SYN1: variants seen among roughly 807,000 people sequenced by gnomAD.
SYN1 encodes the protein synapsin-1.
Under a neutral mutation model 44.6 loss-of-function variants are expected in SYN1, and 8 were observed. The observed-to-expected ratio is 0.18, with a 90% confidence interval of 0.11 to 0.32. The LOEUF (loss-of-function observed/expected upper bound fraction) is 0.32. Among genes scored for constraint, SYN1 ranks in the 10% least tolerant of loss-of-function variants. The pLI, the probability that SYN1 is intolerant of heterozygous loss-of-function variation, is 1.00. For missense variants in SYN1, 451 were observed against 639.4 expected (o/e 0.71, Z 3.18); for synonymous variants, 275 against 280.1 (o/e 0.98, Z 0.18).
chrX:47,584,876 G>A (rs1603058144), intron 5 of SYN1: 3 of 984,697 alleles, frequency 3.0e-6, no homozygotes, highest in Non-Finnish European at 2.9e-6. Context: ...TGATGATGAT[G>A]ATCTTATTTT....
chrX:47,603,915 T>A (rs1221170415), intron 5 of SYN1, among the ~76,000 whole-genome samples: 51 of 103,093 alleles, frequency 4.9e-4, no homozygotes, highest in African/African-American at 1.7e-3. Flanking sequence ...TATTTTTTTT[T>A]TTTTTTTTTG....
At chrX:47,583,547 A>T (rs762984429) in intron 5 of SYN1, 4 of 1,181,556 alleles carry the variant, frequency 3.4e-6, no homozygotes, top group Middle Eastern at 4.7e-4. Flanking sequence ...GTGAGTCCTC[A>T]CCCCACTCAG....
Position 47,574,530 on chromosome X carries a change from G to T in SYN1, c.1454C>A (p.Pro485Gln). The change falls in exon 12 of 13, where the codon CCG becomes CAG. Residue 485 changes from proline (P) to glutamine (Q), a missense_variant. Transcript: ENST00000295987. The stretch of plus-strand genomic sequence containing the variant: ...AAGGTGCTGCTGGCCCTGCGGGGGC[G>T]GGCGCTGCTGCAATGGGGGTCCCTG... ...QRQGPPLQQR[P>Q]PPQGQQHLSG... is the part of the protein sequence containing the mutation. The T allele has an allele frequency of 9.2e-7, 1 of 1,083,625 alleles. No individual in the cohort carries two copies. The highest frequency in any genetic ancestry group is 1.2e-6 in the Non-Finnish European group (1 of 837,501). The allele number at this position is 1,083,625 out of a possible 1,213,427, so 89.3% of individuals were successfully genotyped here. A position where few individuals can be genotyped will look rare whatever the true frequency, so the allele number is the denominator to read the frequency against.
At chrX:47,579,385 C>G (rs763338410) in intron 5 of SYN1, among the ~76,000 whole-genome samples, 113 of 111,257 alleles carry the variant, frequency 1.0e-3, no homozygotes, top group Non-Finnish European at 1.7e-3. Context: ...TTTCTTCTTC[C>G]TAAGGCCATG....
intron 5 of SYN1, chrX:47,585,167 T>C (rs1475190636): frequency 3.4e-6 from 4 of 1,170,166 alleles, no homozygotes; most frequent in Non-Finnish European, 3.4e-6. Flanking sequence ...GGGAGGATTA[T>C]GTCAGTAAAA....
intron 3 of SYN1, among the ~76,000 whole-genome samples, chrX:47,606,451 T>G (rs1603071387): frequency 9.1e-6 from 1 of 110,018 alleles, no homozygotes; most frequent in South Asian, 3.9e-4. Context: ...AGGCTGGGTG[T>G]GGCGGCTCAT....
chrX:47,583,970 T>C (rs1197881015), intron 5 of SYN1, among the ~76,000 whole-genome samples: 1 of 111,761 alleles, frequency 8.9e-6, no homozygotes, highest in Non-Finnish European at 1.9e-5. Context: ...GATCTTGCAG[T>C]CGGTGGGAGA....
Position 47,576,589 on chromosome X carries a change from G to C in SYN1, c.889C>G (p.Leu297Val). Reference protein sequence around the residue: ...DFQDIASVVALTKTYATAEPF... With the variant: ...DFQDIASVVAVTKTYATAEPF... The stretch of plus-strand genomic sequence containing the variant: ...TCGGCAGTGGCATACGTCTTGGTCA[G>C]TGCCACGACACTTGCGATGTCCTGG... Residue 297 changes from leucine to valine, a missense_variant, in exon 7 of 13, where the codon CTG becomes GTG. Leu to Val is a conservative substitution (Grantham distance 32, BLOSUM62 1). This residue lies in a region of SYN1 where 315 missense variants were observed against 451.4 expected (regional missense o/e 0.70). Coordinates refer to ENST00000295987, the MANE Select transcript of SYN1 (RefSeq NM_006950.3). The C allele has an allele frequency of 8.3e-7, 1 of 1,211,920 alleles. No homozygotes were observed. The highest frequency in any genetic ancestry group is 1.1e-6 in the Non-Finnish European group (1 of 895,556).
intron 5 of SYN1, among the ~76,000 whole-genome samples, chrX:47,590,961 T>A (rs892177770): frequency 1.8e-5 from 2 of 112,318 alleles, no homozygotes; most frequent in Non-Finnish European, 3.8e-5. Context: ...GGTGCAATCA[T>A]GGTTCATTGC....
chrX:47,619,738 T>C lies in SYN1; in HGVS notation c.-10A>G, dbSNP rs1421128032. 1 of 1,165,302 alleles carries C rather than the reference T, an allele frequency of 8.6e-7. No individual in the cohort carries two copies. Among genetic ancestry groups the C allele is most frequent in the Middle Eastern group, 2.4e-4 (1 of 4,116 alleles). The stretch of plus-strand genomic sequence containing the variant: ...GCCGCAGGTAGTTCATGGCTGCGAC[T>C]TGGGGCAGGGGGTCCTAGGGGTGGT... On this transcript the variant is annotated 5_prime_UTR_variant, in exon 1 of 13. Coordinates refer to ENST00000295987, the MANE Select transcript of SYN1 (RefSeq NM_006950.3).
At chrX:47,590,621 A>G (rs1246260014) in intron 5 of SYN1, among the ~76,000 whole-genome samples, 1 of 111,344 alleles carries the variant, frequency 9.0e-6, no homozygotes, top group East Asian at 2.8e-4. Context: ...GCACTCTGCG[A>G]GATGGGGGGT....
At chrX:47,576,861 A>G (rs1359952093) in intron 6 of SYN1, among the ~76,000 whole-genome samples, 3 of 111,902 alleles carry the variant, frequency 2.7e-5, no homozygotes, top group Non-Finnish European at 5.6e-5. Flanking sequence ...GAGCATACCA[A>G]AATGTATTGG....
Position 47,574,598 on chromosome X carries a change from A to G in SYN1, c.1394-8T>C. 1 of 1,101,053 alleles carries G rather than the reference A, an allele frequency of 9.1e-7. No individual in the cohort carries two copies. The highest frequency in any genetic ancestry group is 1.2e-6 in the Non-Finnish European group (1 of 829,287). 90.7% of individuals were successfully genotyped at this position (1,101,053 alleles called of 1,213,427 possible). Reference sequence around the variant, plus strand: ...CCGGCTGTGGAGGGCCGCCTGGGGGACAGAGGGAGAGAAAGAGCACACGTG... The same window carrying G: ...CCGGCTGTGGAGGGCCGCCTGGGGGGCAGAGGGAGAGAAAGAGCACACGTG... On this transcript the variant is annotated splice_polypyrimidine_tract_variant and splice_region_variant and intron_variant, in intron 11 of 12. Coordinates refer to ENST00000295987, the MANE Select transcript of SYN1 (RefSeq NM_006950.3).
Position 47,572,106 on chromosome X carries a change from T to TCACAGA in SYN1, c.*752_*757dup, listed in dbSNP as rs1227732519. Reference sequence around the variant, plus strand: ...ACGGCACAAAAGGAGGCCACGTCAGTCACAGACACAGACACCACAGCAAAG... The same window carrying TCACAGA: ...ACGGCACAAAAGGAGGCCACGTCAGTCACAGACACAGACACAGACACCACAGCAAAG... On this transcript the variant is annotated 3_prime_UTR_variant, in exon 13 of 13. Transcript: ENST00000295987. The TCACAGA allele has an allele frequency of 1.6e-5, 2 of 128,608 alleles. No homozygotes were observed. The highest frequency in any genetic ancestry group is 6.4e-5 in the African/African-American group (2 of 31,025). 10.6% of individuals were successfully genotyped at this position (128,608 alleles called of 1,213,427 possible).
chrX:47,594,508 G>T (rs1372108168), intron 5 of SYN1, among the ~76,000 whole-genome samples: 1 of 106,441 alleles, frequency 9.4e-6, no homozygotes, highest in Non-Finnish European at 1.9e-5. Flanking sequence ...CACTCCAGTT[G>T]GGTGACAAAG....
chrX:47,583,559 C>G, intron 5 of SYN1: 1 of 1,170,279 alleles, frequency 8.5e-7, no homozygotes, highest in Non-Finnish European at 1.1e-6. Flanking sequence ...CCCACTCAGC[C>G]CACACACTCT....
intron 1 of SYN1, among the ~76,000 whole-genome samples, chrX:47,612,581 T>G (rs2057919478): frequency 2.7e-5 from 3 of 112,099 alleles, no homozygotes; most frequent in African/African-American, 9.7e-5. Flanking sequence ...TGGGCAGTGG[T>G]TGCACTATAA....
intron 5 of SYN1, among the ~76,000 whole-genome samples, chrX:47,583,043 C>T (rs913356898): frequency 1.0e-5 from 1 of 97,302 alleles, no homozygotes; most frequent in Admixed American, 1.1e-4. Context: ...TAAACTCTGC[C>T]GTCTCCAAAC....
rs190772791 is a variant in SYN1 at position 47,584,638 on chromosome X, C to T, written c.775-7137G>A. On this transcript the variant is annotated intron_variant, in intron 5 of 12. Transcript: ENST00000295987. ...GAAAGGGATTTCTGTGTTTTGTTCA[C>T]TGTTGTGTCCCTAACACCCAGAACA... Among the ~76,000 whole-genome samples the T allele has an allele frequency of 4.5e-5, 5 of 112,332 alleles. No individual in the cohort carries two copies. The East Asian group carries it at 1.1e-3, about 25-fold the overall frequency.
Sources: allele counts gnomAD v4.1 joint callset (sites outside exome capture counted in the v4.1 genomes callset), GRCh38; gene constraint gnomAD v4.1.1; regional missense constraint gnomAD v4.1.1; transcripts MANE v1.5; gene names NCBI Gene and HGNC (gene_info 2026-07-23, HGNC 2026-07-21).